Variants in CLCC1 observed in about 807,000 individuals in gnomAD.
CLCC1 encodes chloride channel CLIC-like protein 1.
A neutral mutation model predicts 63.3 loss-of-function variants in CLCC1; 39 were observed. That is an observed-to-expected ratio of 0.62 (90% confidence interval 0.48 to 0.81). The LOEUF is 0.81. Ranked by LOEUF, CLCC1 falls within the 30% of genes least tolerant of loss-of-function variation. The probability of loss-of-function intolerance (pLI) is 0.00; values close to 1 mark genes in which losing one functional copy is unlikely to be tolerated. For synonymous variants in CLCC1, 217 were observed against 239.8 expected, an observed-to-expected ratio of 0.90 and a Z score of 0.88; for missense variants, 549 against 669.4, an observed-to-expected ratio of 0.82 and a Z score of 1.98.
At position 108,939,619 on chromosome 1, in the gene CLCC1, A is replaced by G. The variant is rs1653557355; in HGVS notation, c.1041+17T>C. 3.7e-6 allele frequency: 6 copies of G among 1,611,728 alleles called. No homozygotes were observed. The highest frequency in any genetic ancestry group is 5.1e-6 in the Non-Finnish European group (6 of 1,178,924). ...CCACCGCGCCTGGCCCGACAGTGCTAATATATTAATACTAACCAGGATGGC... is the reference window on the plus strand; with the variant it reads ...CCACCGCGCCTGGCCCGACAGTGCTGATATATTAATACTAACCAGGATGGC... On this transcript the variant is annotated intron_variant, in intron 10 of 12. Coordinates refer to ENST00000369969, the MANE Select transcript of CLCC1 (RefSeq NM_001377458.1).
chr1:108,940,045 C>G lies in CLCC1; in HGVS notation c.894G>C (p.Lys298Asn), dbSNP rs761340892. ...AATTTTTACAAAATATATGCTATACCTTTGTTGGTGGGACCAACCAAATAG... is the reference window on the plus strand; with the variant it reads ...AATTTTTACAAAATATATGCTATACGTTTGTTGGTGGGACCAACCAAATAG... ...VNPIWLVPPT[K>N]ALAVTFTTFV... is the part of the protein sequence containing the mutation. The change falls in exon 9 of 13, where the codon AAG becomes AAC. Residue 298 changes from lysine to asparagine, a missense_variant and splice_region_variant. Coordinates refer to ENST00000369969, the MANE Select transcript of CLCC1 (RefSeq NM_001377458.1). 7 of 1,604,206 alleles carry G rather than the reference C, an allele frequency of 4.4e-6. No homozygotes were observed. The South Asian group carries it at 6.7e-5, about 15-fold the overall frequency.
chr1:108,959,711 G>A (rs1656381139), intron 2 of CLCC1, among the ~76,000 whole-genome samples: 1 of 152,106 alleles, frequency 6.6e-6, no homozygotes. Context: ...ATACTCCAAG[G>A]GTAAAGGGGG....
intron 10 of CLCC1, among the ~76,000 whole-genome samples, chr1:108,938,928 T>C (rs527500189): frequency 2.0e-5 from 3 of 152,100 alleles, no homozygotes; most frequent in Admixed American, 2.0e-4. Flanking sequence ...TATAAAAATA[T>C]ACAAGTAAGT....
Position 108,934,920 on chromosome 1 carries a change from G to T in CLCC1, c.1406C>A (p.Thr469Lys). ...VPSHKSPVLD[T>K]KPKETGGILG... ...GATTCCACCTGTCTCCTTGGGCTTT[G>T]TATCCAAAACAGGTGATTTATGCTA... The change falls in exon 12 of 13, where the codon ACA (threonine) becomes AAA (lysine). Residue 469 changes from threonine (T) to lysine (K), a missense_variant. Thr to Lys is a moderately conservative substitution (Grantham distance 78). Coordinates refer to ENST00000369969, the MANE Select transcript of CLCC1 (RefSeq NM_001377458.1). 5 of 1,612,594 alleles carry T rather than the reference G, an allele frequency of 3.1e-6. No individual in the cohort carries two copies. Among genetic ancestry groups the T allele is most frequent in the Non-Finnish European group, 4.2e-6 (5 of 1,178,928 alleles).
rs914441065 is a variant in CLCC1 at position 108,963,474 on chromosome 1, T to C, written c.-286A>G. On this transcript the variant is annotated 5_prime_UTR_variant, in exon 1 of 13. It removes an upstream start codon present in the reference 5' UTR. Transcript: ENST00000369969. The stretch of plus-strand genomic sequence containing the variant: ...TCAGCGTGCTTCCTGGGCCTCGTCA[T>C]CGAATTGTTCGGCTGACGGCTGCGT... 40 of 701,806 alleles carry C rather than the reference T, an allele frequency of 5.7e-5. No individual in the cohort carries two copies. The highest frequency in any genetic ancestry group is 9.6e-5 in the Non-Finnish European group (37 of 384,448). The allele number at this position is 701,806 out of a possible 1,614,324, so 43.5% of individuals were successfully genotyped here.
intron 3 of CLCC1, among the ~76,000 whole-genome samples, 183 bp downstream of exon 3, chr1:108,950,126 A>G (rs1571059371): frequency 6.6e-6 from 1 of 152,236 alleles, no homozygotes; most frequent in East Asian, 1.9e-4. Flanking sequence ...AGGGCTTTAC[A>G]TTCAAATTCA....
chr1:108,934,926 A>C lies in CLCC1; in HGVS notation c.1400T>G (p.Leu467Trp). 2.5e-6 allele frequency: 4 copies of C among 1,610,726 alleles called. No individual in the cohort carries two copies. The highest frequency in any genetic ancestry group is 3.4e-6 in the Non-Finnish European group (4 of 1,177,728). ...ACCTGTCTCCTTGGGCTTTGTATCC[A>C]AAACAGGTGATTTATGCTATAAAGT... ...TVVPSHKSPV[L>W]DTKPKETGGI... Residue 467 changes from leucine to tryptophan, a missense_variant, in exon 12 of 13, where the codon TTG (leucine) becomes TGG (tryptophan). By Grantham distance (61) the Leu-to-Trp change is moderately conservative. Transcript: ENST00000369969.
Position 108,943,596 on chromosome 1 carries a change from C to T in CLCC1, c.581G>A (p.Cys194Tyr). 1 of 1,604,172 alleles carries T rather than the reference C, an allele frequency of 6.2e-7. No homozygotes were observed. The highest frequency in any genetic ancestry group is 8.5e-7 in the Non-Finnish European group (1 of 1,177,680). The change falls in exon 7 of 13, where the codon TGC (cysteine) becomes TAC (tyrosine). Residue 194 changes from cysteine (C) to tyrosine (Y), a missense_variant. Physicochemically the swap from Cys to Tyr is radical, Grantham distance 194 (BLOSUM62 -2). Transcript: ENST00000369969. ...NVLMVLLCLL[C>Y]IVVLVATELW... is the part of the protein sequence containing the mutation. ...CTCAGTAGCCACTAAAACCACGATG[C>T]AGAGCAGACAAAGAAGTACCTTAAA...
In CLCC1 at chr1:108,961,284, TA is replaced by T. The variant is rs5776958; in HGVS notation, c.-12+1024del. On this transcript the variant is annotated intron_variant, in intron 2 of 12. Transcript: ENST00000369969. Reference sequence around the variant, plus strand: ...CATCTAAACCTGCTGAAGAGTTTGTTAAAAAAAAAAAAAAACGATTCTGATT... The same window carrying T: ...CATCTAAACCTGCTGAAGAGTTTGTTAAAAAAAAAAAAAACGATTCTGATT... Among the ~76,000 whole-genome samples, 46 of 133,932 alleles carry T rather than the reference TA, an allele frequency of 3.4e-4. 1 individual carries two copies. The highest frequency in any genetic ancestry group is 3.3e-4 in the African/African-American group (12 of 35,830). 87.9% of individuals were successfully genotyped at this position (133,932 alleles called of 152,430 possible). A position where few individuals can be genotyped will look rare whatever the true frequency, so the allele number is the denominator to read the frequency against.
At chr1:108,956,247 C>G (rs1371620931) in intron 2 of CLCC1, among the ~76,000 whole-genome samples, 1 of 151,398 alleles carries the variant, frequency 6.6e-6, no homozygotes, top group Non-Finnish European at 1.5e-5. Flanking sequence ...CCAGTCCAAC[C>G]TCTGGTGACT....
chr1:108,941,193 C>A (rs759292265), intron 8 of CLCC1, among the ~76,000 whole-genome samples: 8 of 152,128 alleles, frequency 5.3e-5, no homozygotes, highest in Non-Finnish European at 7.3e-5. Context: ...AATATCAGAG[C>A]CAACATATAT....
At chr1:108,941,178 CAG>C (rs896772325) in intron 8 of CLCC1, among the ~76,000 whole-genome samples, 3 of 152,148 alleles carry the variant, frequency 2.0e-5, no homozygotes, top group Non-Finnish European at 4.4e-5. Flanking sequence ...TGAAGGAAGA[CAG>C]ATAATATCAG....
At chr1:108,960,801 A>G (rs910569213) in intron 2 of CLCC1, among the ~76,000 whole-genome samples, 2 of 152,170 alleles carry the variant, frequency 1.3e-5, no homozygotes, top group Non-Finnish European at 2.9e-5. Context: ...AAGGTACTAC[A>G]GGAGGCATTA....
In CLCC1 at chr1:108,932,301, A is replaced by G. The variant is rs943425178; in HGVS notation, c.*246T>C. On this transcript the variant is annotated 3_prime_UTR_variant, in exon 13 of 13. Coordinates refer to ENST00000369969, the MANE Select transcript of CLCC1 (RefSeq NM_001377458.1). ...AAGTAAAATTTCAAAAAAGCTTCAC[A>G]ATATAAACCTTAATTTTAATGACAT... 1.3e-5 allele frequency: 2 copies of G among 152,144 alleles called. No individual in the cohort carries two copies. The highest frequency in any genetic ancestry group is 1.3e-4 in the Admixed American group (2 of 15,264). 9.4% of individuals were successfully genotyped at this position (152,144 alleles called of 1,614,324 possible).
chr1:108,939,956 T>C, intron 9 of CLCC1, 89 bp downstream of exon 9: 3 of 1,294,440 alleles, frequency 2.3e-6, no homozygotes, highest in Non-Finnish European at 3.2e-6. Context: ...CAAACGCTTA[T>C]TAGCAAAATG....
At chr1:108,943,449 T>C in intron 7 of CLCC1, 26 bp downstream of exon 7, 1 of 1,601,288 alleles carries the variant, frequency 6.2e-7, no homozygotes, top group Non-Finnish European at 8.5e-7. Flanking sequence ...GTGTTAAAAT[T>C]GTAAAACCCT....
At chr1:108,933,734 C>T (rs937545837) in intron 12 of CLCC1, 2 of 152,300 alleles carry the variant, frequency 1.3e-5, no homozygotes, top group Non-Finnish European at 1.5e-5. Flanking sequence ...TTTTGATAAT[C>T]AGAAAGACTA....
intron 11 of CLCC1, among the ~76,000 whole-genome samples, chr1:108,936,855 AAC>A (rs1653098602): frequency 6.6e-6 from 1 of 152,200 alleles, no homozygotes; most frequent in Admixed American, 6.5e-5. Flanking sequence ...TGCTCTAACA[AAC>A]TACTGTTAAA....
intron 2 of CLCC1, among the ~76,000 whole-genome samples, chr1:108,954,988 T>A (rs545900515): frequency 1.3e-4 from 19 of 151,328 alleles, no homozygotes; most frequent in Non-Finnish European, 1.9e-4. Flanking sequence ...TGTGCCACCA[T>A]ACCCAGCTAA....
Sources: allele counts gnomAD v4.1 joint callset (sites outside exome capture counted in the v4.1 genomes callset), GRCh38; gene constraint gnomAD v4.1.1; transcripts MANE v1.5; gene names NCBI Gene and HGNC (gene_info 2026-07-23, HGNC 2026-07-21).